The following WDR62 variants were observed in gnomAD, a reference collection of about 807,000 sequenced individuals.
WDR62 encodes the protein WD repeat-containing protein 62.
Under a neutral mutation model 160.6 loss-of-function variants are expected in WDR62, and 112 were observed. The observed-to-expected ratio is 0.70, with a 90% CI of 0.60 to 0.82. WDR62 has a LOEUF of 0.82. Ranked by LOEUF, WDR62 falls within the 40% of genes least tolerant of loss-of-function variation. The probability of loss-of-function intolerance (pLI) is 0.00; values close to 1 mark genes in which losing one functional copy is unlikely to be tolerated. For synonymous variants in WDR62, 792 were observed against 815.1 expected (o/e 0.97, Z 0.48); for missense variants, 1,819 against 1,983.8 (o/e 0.92, Z 1.58).
At chr19:36,106,030 AAAC>A (rs575394224), downstream of WDR62, among the ~76,000 whole-genome samples, 201 of 152,330 alleles carry the variant, frequency 1.3e-3, 1 homozygote, top group African/African-American at 4.7e-3. Flanking sequence ...AAACAAAATA[AAAC>A]AAGAAACCCA....
At chr19:36,068,957 C>T (rs963975463) in intron 7 of WDR62, among the ~76,000 whole-genome samples, 16 of 151,908 alleles carry the variant, frequency 1.1e-4, no homozygotes, top group East Asian at 7.9e-4. Context: ...CCCCATCTCC[C>T]GGACGGGGCG....
At chr19:36,107,200 G>A (rs1973732365), downstream of WDR62, among the ~76,000 whole-genome samples, 2 of 152,152 alleles carry the variant, frequency 1.3e-5, no homozygotes, top group Admixed American at 6.5e-5. Flanking sequence ...GTTATCCTCT[G>A]TGAGCAAGCT....
At chr19:36,069,639 C>G in intron 7 of WDR62, among the ~76,000 whole-genome samples, 1 of 152,234 alleles carries the variant, frequency 6.6e-6, no homozygotes, top group Non-Finnish European at 1.5e-5. Flanking sequence ...CCAAGGCAGG[C>G]GGCTGGGAGG....
At chr19:36,068,395 G>A (rs893555477) in intron 7 of WDR62, among the ~76,000 whole-genome samples, 6 of 151,980 alleles carry the variant, frequency 3.9e-5, no homozygotes, top group African/African-American at 1.2e-4. Flanking sequence ...ATTCTTGGGT[G>A]TTTCTCCCAG....
intron 12 of WDR62, among the ~76,000 whole-genome samples, chr19:36,084,988 G>A (rs1972126966): frequency 6.6e-6 from 1 of 152,212 alleles, no homozygotes; most frequent in Admixed American, 6.5e-5. Flanking sequence ...AGCCAAAGGG[G>A]TGGATGTATG....
chr19:36,095,035 AAAAG>A (rs1284462861), intron 20 of WDR62, among the ~76,000 whole-genome samples: 3 of 152,204 alleles, frequency 2.0e-5, no homozygotes, highest in Non-Finnish European at 4.4e-5. Flanking sequence ...TGTCTGTAGA[AAAAG>A]AAAGAAACTC....
chr19:36,099,755 G>A, intron 22 of WDR62, 138 bp downstream of exon 22: 1 of 878,798 alleles, frequency 1.1e-6, no homozygotes, highest in Non-Finnish European at 1.8e-6. Flanking sequence ...GTGAGCCCCA[G>A]GTCTGTTGCA....
chr19:36,055,229 GA>G, intron 1 of WDR62, 81 bp downstream of exon 1: 34 of 1,483,252 alleles, frequency 2.3e-5, no homozygotes, highest in Non-Finnish European at 2.8e-5. Context: ...CTGTGGCCCC[GA>G]CATCAGCCCC....
chr19:36,077,082 G>T (rs1186794388), intron 9 of WDR62, among the ~76,000 whole-genome samples: 1 of 151,892 alleles, frequency 6.6e-6, no homozygotes, highest in Non-Finnish European at 1.5e-5. Flanking sequence ...ACAGTGTCAT[G>T]CAGCCATCAT....
intron 1 of WDR62, among the ~76,000 whole-genome samples, chr19:36,056,793 G>A (rs1372654788): frequency 6.6e-6 from 1 of 151,762 alleles, no homozygotes; most frequent in Admixed American, 6.6e-5. Flanking sequence ...GGCAGGTTAT[G>A]AACTTCGCTT....
Position 36,104,649 on chromosome 19 carries a change from C to G in WDR62, c.4285C>G (p.Gln1429Glu). The change falls in exon 31 of 32, where the codon CAA becomes GAA. Residue 1429 changes from glutamine to glutamate, a missense_variant. Physicochemically the swap from Gln to Glu is conservative, Grantham distance 29. Coordinates refer to ENST00000401500, the MANE Select transcript of WDR62 (RefSeq NM_001083961.2). Reference sequence around the variant, plus strand: ...CTTGCACAGGCTGCAGACCACCTTCCAAGAAGCCCTCGACCTTTACCGTGT... The same window carrying G: ...CTTGCACAGGCTGCAGACCACCTTCGAAGAAGCCCTCGACCTTTACCGTGT... ...NILHRLQTTF[Q>E]EALDLYRVLV... The G allele has an allele frequency of 1.9e-6, 3 of 1,614,122 alleles. No individual in the cohort carries two copies. Among genetic ancestry groups the G allele is most frequent in the Non-Finnish European group, 2.5e-6 (3 of 1,180,034 alleles).
chr19:36,073,227 GC>G, intron 8 of WDR62, 114 bp from the exon 9 acceptor site: 2 of 979,398 alleles, frequency 2.0e-6, no homozygotes, highest in Non-Finnish European at 3.3e-6. Context: ...GAGATGGATG[GC>G]CACAAATACC....
intron 3 of WDR62, chr19:36,061,793 C>G (rs1332142736): frequency 6.6e-6 from 1 of 152,160 alleles, no homozygotes; most frequent in African/African-American, 2.4e-5. Flanking sequence ...CACCGCCACG[C>G]AAGAGAAAGC....
At chr19:36,069,258 C>A (rs1004216187) in intron 7 of WDR62, among the ~76,000 whole-genome samples, 1 of 151,692 alleles carries the variant, frequency 6.6e-6, no homozygotes, top group African/African-American at 2.4e-5. Flanking sequence ...GGCGGAGGGG[C>A]TCCTCACTTC....
chr19:36,063,497 C>T (rs1446502176), intron 3 of WDR62, among the ~76,000 whole-genome samples: 1 of 152,026 alleles, frequency 6.6e-6, no homozygotes, highest in Non-Finnish European at 1.5e-5. Flanking sequence ...GTGATCCACC[C>T]GCCTCGGCCT....
At chr19:36,076,248 T>C (rs1216121801) in intron 9 of WDR62, among the ~76,000 whole-genome samples, 1 of 151,794 alleles carries the variant, frequency 6.6e-6, no homozygotes, top group Non-Finnish European at 1.5e-5. Flanking sequence ...ATCAACCATT[T>C]CTCGAAAAGA....
chr19:36,103,833 C>A lies in WDR62; in HGVS notation c.4005C>A (p.Ser1335Arg), dbSNP rs778940951. 1 of 1,605,726 alleles carries A rather than the reference C, an allele frequency of 6.2e-7. No individual in the cohort carries two copies. The change falls in exon 30 of 32, where the codon AGC becomes AGA. Residue 1335 changes from serine (S) to arginine (R), a missense_variant. Ser to Arg is a moderately radical substitution (Grantham distance 110). Coordinates refer to ENST00000401500, the MANE Select transcript of WDR62 (RefSeq NM_001083961.2). ...SFPAPSPVEE[S>R]ALRLHGSAFR... ...CAGCCCCTAGCCCTGTGGAAGAGAG[C>A]GCCCTGAGGCTCCACGGCTCTGCCT...
chr19:36,071,600 C>T lies in WDR62; in HGVS notation c.927C>T (p.Phe309=), dbSNP rs539729405. 2.5e-6 allele frequency: 4 copies of T among 1,614,266 alleles called. No individual in the cohort carries two copies. Among genetic ancestry groups the T allele is most frequent in the East Asian group, 2.2e-5 (1 of 44,890 alleles). The change falls in exon 8 of 32, where the codon TTC becomes TTT. Residue 309 remains phenylalanine (F), a synonymous_variant. Transcript: ENST00000401500. The stretch of plus-strand genomic sequence containing the variant: ...TCTGTGTCAGCCAGGAGCTCATCTT[C>T]TGTGGCTGCACAGATGGGATAGTCC... The part of the protein sequence containing the change: ...SCLCVSQELI[F]CGCTDGIVRI...
rs1348522933 is a variant in WDR62, at chr19:36,099,613, G to A, written c.2735G>A (p.Ser912Asn). 6.2e-7 allele frequency: 1 copy of A among 1,613,998 alleles called. No homozygotes were observed. The highest frequency in any genetic ancestry group is 2.2e-5 in the East Asian group (1 of 44,898). The change falls in exon 22 of 32, where the codon AGT becomes AAT. Residue 912 changes from serine to asparagine, a missense_variant. Ser to Asn is a conservative substitution (Grantham distance 46). This residue lies in a region of WDR62 where 934 missense variants were observed against 1,157.2 expected (regional missense o/e 0.81). Transcript: ENST00000401500. The stretch of plus-strand genomic sequence containing the variant: ...CCACAGAGCCTGGCCAGCCTGCTGA[G>A]TGAGGTACACACTTCCACCGCAGCC... ...LEPQSLASLL[S>N]ESESPQEAGR...
Sources: gnomAD v4.1 joint callset for allele counts (sites outside exome capture counted in the v4.1 genomes callset) on GRCh38, gnomAD v4.1.1 for gene constraint, gnomAD v4.1.1 regional missense constraint, MANE v1.5 for transcripts, NCBI Gene and HGNC (gene_info 2026-07-23, HGNC 2026-07-21) for gene names.